Variants in WDR72 observed in about 807,000 individuals in gnomAD.
The protein encoded by WDR72 is WD repeat-containing protein 72.
Under a neutral mutation model 124.2 loss-of-function variants are expected in WDR72, and 120 were observed. That is an observed-to-expected ratio of 0.97 (90% CI 0.83 to 1.12). The LOEUF (loss-of-function observed/expected upper bound fraction) is 1.12. Ranked by LOEUF, WDR72 falls within the 50% of genes most tolerant of loss-of-function variation. The probability of loss-of-function intolerance (pLI) is 0.00; values close to 1 mark genes in which losing one functional copy is unlikely to be tolerated. For missense variants in WDR72, 1,387 were observed against 1,278.8 expected, an observed-to-expected ratio of 1.08 and a Z score of -1.29; for synonymous variants, 452 against 441.7, an observed-to-expected ratio of 1.02 and a Z score of -0.29.
Position 53,716,313 on chromosome 15 carries a change from T to A in WDR72, c.339+294A>T, listed in dbSNP as rs532243701. Among the ~76,000 whole-genome samples the A allele has an allele frequency of 1.3e-3, 198 of 152,336 alleles. 1 individual carries two copies. Among genetic ancestry groups the A allele is most frequent in the Non-Finnish European group, 3.8e-4 (26 of 68,032 alleles). Reference sequence around the variant, plus strand: ...CATTAAAACTGAATTTTTACACATGTACAAGTATGTGTATGTTTTGTAGCA... The same window carrying A: ...CATTAAAACTGAATTTTTACACATGAACAAGTATGTGTATGTTTTGTAGCA... On this transcript the variant is annotated intron_variant, in intron 4 of 19. Transcript: ENST00000360509.
chr15:53,762,037 C>T (rs112110826), upstream of WDR72, among the ~76,000 whole-genome samples: 2,840 of 151,686 alleles, frequency 0.019, 95 homozygotes, highest in African/African-American at 0.065. Flanking sequence ...TTTAAGGTTT[C>T]TCAGTTACAT....
At chr15:53,704,091 G>A (rs1162824806) in intron 11 of WDR72, among the ~76,000 whole-genome samples, 1 of 152,142 alleles carries the variant, frequency 6.6e-6, no homozygotes, top group Non-Finnish European at 1.5e-5. Flanking sequence ...GTAACATTTA[G>A]TAAGTGGCCA....
chr15:53,743,773 A>T (rs1397595971), intron 1 of WDR72, among the ~76,000 whole-genome samples: 2 of 145,694 alleles, frequency 1.4e-5, no homozygotes, highest in Non-Finnish European at 3.0e-5. Context: ...TCAGGAGATC[A>T]AGACCATCCT....
At chr15:53,696,482 G>A (rs781308863) in intron 13 of WDR72, among the ~76,000 whole-genome samples, 5 of 152,178 alleles carry the variant, frequency 3.3e-5, no homozygotes, top group Non-Finnish European at 5.9e-5. Context: ...AAGGGCACTT[G>A]GATTAATTAG....
intron 18 of WDR72, among the ~76,000 whole-genome samples, chr15:53,533,142 G>A (rs1489675057): frequency 6.6e-6 from 1 of 152,060 alleles, no homozygotes; most frequent in Non-Finnish European, 1.5e-5. Context: ...AACACTGTGT[G>A]TGTCTCCAGT....
chr15:53,568,648 T>C lies in WDR72; in HGVS notation c.3148+28431A>G, dbSNP rs527988114. ...ATTTATTTTTTTTGAAGTAAAACAA[T>C]TCCATTTCCTCCAGTCACTCTTCCA... On this transcript the variant is annotated intron_variant, in intron 18 of 19. Coordinates refer to ENST00000360509, the MANE Select transcript of WDR72 (RefSeq NM_182758.4). Among the ~76,000 whole-genome samples the C allele has an allele frequency of 2.0e-5, 3 of 152,168 alleles. No individual in the cohort carries two copies. The South Asian group carries it at 6.2e-4, about 32-fold the overall frequency.
At chr15:53,698,521 G>A (rs1048618326) in intron 13 of WDR72, among the ~76,000 whole-genome samples, 1 of 152,158 alleles carries the variant, frequency 6.6e-6, no homozygotes, top group Non-Finnish European at 1.5e-5. Flanking sequence ...ATCCTGATAG[G>A]AAGGCAGTAT....
intron 2 of WDR72, among the ~76,000 whole-genome samples, chr15:53,730,740 A>G (rs1041403446): frequency 1.3e-5 from 2 of 151,728 alleles, no homozygotes; most frequent in Non-Finnish European, 2.9e-5. Context: ...GTCCTCAAGG[A>G]CTCCTTTTTT....
chr15:53,726,283 TATAC>T (rs746997198), intron 2 of WDR72, among the ~76,000 whole-genome samples: 3 of 116,136 alleles, frequency 2.6e-5, no homozygotes, highest in African/African-American at 1.2e-4. Context: ...TATATATATA[TATAC>T]ACACACACAC....
At chr15:53,756,049 T>G (rs946653655) in intron 1 of WDR72, among the ~76,000 whole-genome samples, 3 of 152,194 alleles carry the variant, frequency 2.0e-5, no homozygotes, top group African/African-American at 7.2e-5. Context: ...TAATCTATAC[T>G]AAAGCAATCT....
intron 13 of WDR72, among the ~76,000 whole-genome samples, chr15:53,690,986 A>G (rs987249484): frequency 1.3e-5 from 2 of 152,158 alleles, no homozygotes; most frequent in Admixed American, 6.5e-5. Flanking sequence ...TTTTTAAATT[A>G]TAAGTATCCT....
intron 1 of WDR72, among the ~76,000 whole-genome samples, chr15:53,742,449 T>C (rs1287502709): frequency 6.6e-6 from 1 of 152,204 alleles, no homozygotes; most frequent in African/African-American, 2.4e-5. Context: ...ACCTCTATCA[T>C]AGCCCTCAAT....
chr15:53,751,253 G>T (rs78586738), intron 1 of WDR72, among the ~76,000 whole-genome samples: 1 of 147,830 alleles, frequency 6.8e-6, no homozygotes, highest in Non-Finnish European at 1.5e-5. Flanking sequence ...AAAAAAAAAA[G>T]CTTTCACAAA....
chr15:53,518,715 C>T (rs946926720), intron 19 of WDR72, among the ~76,000 whole-genome samples: 1 of 151,198 alleles, frequency 6.6e-6, no homozygotes, highest in African/African-American at 2.4e-5. Flanking sequence ...ATCTGTCCTA[C>T]TTTCTGTTAC....
At chr15:53,629,733 A>T (rs1320459180) in intron 14 of WDR72, among the ~76,000 whole-genome samples, 1 of 152,052 alleles carries the variant, frequency 6.6e-6, no homozygotes, top group African/African-American at 2.4e-5. Context: ...TAGCATTTTA[A>T]TTTGCCTTAT....
At chr15:53,559,037 T>C (rs1894031463) in intron 18 of WDR72, among the ~76,000 whole-genome samples, 1 of 152,076 alleles carries the variant, frequency 6.6e-6, no homozygotes, top group Non-Finnish European at 1.5e-5. Context: ...CTCTTCAGTT[T>C]ATCAATGTAT....
At chr15:53,536,882 G>T (rs1236057155) in intron 18 of WDR72, among the ~76,000 whole-genome samples, 1 of 152,140 alleles carries the variant, frequency 6.6e-6, no homozygotes, top group Non-Finnish European at 1.5e-5. Flanking sequence ...TGATCCTGTT[G>T]TCTGTCTGCT....
intron 13 of WDR72, among the ~76,000 whole-genome samples, chr15:53,669,406 T>G (rs1369414587): frequency 6.6e-6 from 1 of 152,172 alleles, no homozygotes; most frequent in Admixed American, 6.5e-5. Context: ...TTTCTTGGTT[T>G]CTTGGTCAAG....
At chr15:53,753,527 C>T (rs1396612394) in intron 1 of WDR72, among the ~76,000 whole-genome samples, 3 of 152,184 alleles carry the variant, frequency 2.0e-5, no homozygotes, top group Non-Finnish European at 4.4e-5. Context: ...ATTTGAGGCT[C>T]ATAATCTGAA....
Sources: allele counts gnomAD v4.1 joint callset (sites outside exome capture counted in the v4.1 genomes callset), GRCh38; gene constraint gnomAD v4.1.1; transcripts MANE v1.5; gene names NCBI Gene and HGNC (gene_info 2026-07-23, HGNC 2026-07-21).